FERMT2: variants seen among roughly 807,000 people sequenced by gnomAD.
FERMT2 encodes the protein fermitin family homolog 2.
In FERMT2, 15 loss-of-function variants were observed where a neutral mutation model predicts 82.7. That is an observed-to-expected ratio of 0.18 (90% CI 0.12 to 0.28). The LOEUF (loss-of-function observed/expected upper bound fraction) is 0.28, where lower values mean the gene tolerates loss of function less well. Ranked by LOEUF, FERMT2 falls within the 10% of genes least tolerant of loss-of-function variation. The pLI, the probability that FERMT2 is intolerant of heterozygous loss-of-function variation, is 1.00. For synonymous variants in FERMT2, 274 were observed against 271.5 expected (o/e 1.01, Z -0.09); for missense variants, 645 against 809.4 (o/e 0.80, Z 2.46).
At chr14:52,900,776 G>A (rs1040972615) in intron 3 of FERMT2, among the ~76,000 whole-genome samples, 2 of 151,994 alleles carry the variant, frequency 1.3e-5, no homozygotes, top group Admixed American at 1.3e-4. Flanking sequence ...TTCCATTACT[G>A]AATTAAACTC....
At chr14:52,928,901 C>T (rs551204734) in intron 2 of FERMT2, among the ~76,000 whole-genome samples, 2 of 152,292 alleles carry the variant, frequency 1.3e-5, no homozygotes, top group East Asian at 1.9e-4. Context: ...CCACCTCCTA[C>T]GCTCTGCTGC....
intron 2 of FERMT2, among the ~76,000 whole-genome samples, chr14:52,940,964 C>T (rs1481051730): frequency 6.6e-6 from 1 of 152,126 alleles, no homozygotes; most frequent in Admixed American, 6.6e-5. Context: ...TACTATACCA[C>T]CCAGCAATCC....
chr14:52,859,324 C>A, intron 14 of FERMT2: 1 of 362,258 alleles, frequency 2.8e-6, no homozygotes, highest in East Asian at 4.7e-5. Flanking sequence ...CAGAGTAGAT[C>A]GGCTTTATCC....
At chr14:52,863,014 A>G (rs1049385816) in intron 12 of FERMT2, 3 of 151,900 alleles carry the variant, frequency 2.0e-5, no homozygotes, top group Non-Finnish European at 2.9e-5. Flanking sequence ...TTGAAGGCAA[A>G]TAAGTTCACT....
chr14:52,896,864 T>C (rs1228541581), intron 3 of FERMT2, among the ~76,000 whole-genome samples: 2 of 151,826 alleles, frequency 1.3e-5, no homozygotes, highest in Non-Finnish European at 2.9e-5. Flanking sequence ...GGCATAGTGG[T>C]GCACACCTAG....
chr14:52,863,610 A>C (rs1594925591), intron 12 of FERMT2: 2 of 152,188 alleles, frequency 1.3e-5, no homozygotes, highest in East Asian at 3.8e-4. Flanking sequence ...AAGAATTCTA[A>C]ACAGAGTGAA....
At chr14:52,910,257 A>C (rs1297590993) in intron 3 of FERMT2, among the ~76,000 whole-genome samples, 1 of 152,206 alleles carries the variant, frequency 6.6e-6, no homozygotes, top group Admixed American at 6.5e-5. Context: ...CCTATCAAAT[A>C]GATTCTTCTT....
intron 9 of FERMT2, 131 bp from the exon 10 acceptor site, chr14:52,873,054 G>T: frequency 1.2e-6 from 1 of 822,952 alleles, no homozygotes; most frequent in Non-Finnish European, 1.9e-6. Flanking sequence ...ATCCCCCTTG[G>T]TCAGCGTCTT....
Position 52,857,778 on chromosome 14 carries a change from A to C in FERMT2, c.*599T>G, listed in dbSNP as rs534575886. ...TAAAAGTGTAATACAATATGGTGTA[A>C]AAATAAAAACACGAGACAATATACA... On this transcript the variant is annotated 3_prime_UTR_variant, in exon 15 of 15. Coordinates refer to ENST00000341590, the MANE Select transcript of FERMT2 (RefSeq NM_006832.3). The C allele has an allele frequency of 1.3e-5, 2 of 152,956 alleles. No homozygotes were observed. Among genetic ancestry groups the C allele is most frequent in the East Asian group, 3.9e-4 (2 of 5,192 alleles). The allele number at this position is 152,956 out of a possible 1,614,324, so 9.5% of individuals were successfully genotyped here. A position where few individuals can be genotyped will look rare whatever the true frequency, so the allele number is the denominator to read the frequency against.
chr14:52,936,624 T>C (rs1889849055), intron 2 of FERMT2, among the ~76,000 whole-genome samples: 1 of 152,184 alleles, frequency 6.6e-6, no homozygotes, highest in African/African-American at 2.4e-5. Flanking sequence ...TTGCTCCACT[T>C]CCCATGCTGG....
intron 3 of FERMT2, among the ~76,000 whole-genome samples, chr14:52,917,968 C>T (rs1888710733): frequency 6.6e-6 from 1 of 152,190 alleles, no homozygotes; most frequent in Non-Finnish European, 1.5e-5. Context: ...AGTGTGGGTG[C>T]TGACACCAGC....
At chr14:52,879,282 AAT>A (rs1394018201) in intron 6 of FERMT2, among the ~76,000 whole-genome samples, 2 of 152,246 alleles carry the variant, frequency 1.3e-5, no homozygotes, top group Non-Finnish European at 1.5e-5. Context: ...AATAAAAGTC[AAT>A]AGTAATGCCT....
At chr14:52,868,924 G>A (rs1885450272) in intron 10 of FERMT2, among the ~76,000 whole-genome samples, 1 of 152,220 alleles carries the variant, frequency 6.6e-6, no homozygotes, top group East Asian at 1.9e-4. Context: ...GCAATGATCA[G>A]TGTGATGAGT....
At chr14:52,860,135 G>C (rs547758580) in intron 13 of FERMT2, 1 of 517,636 alleles carries the variant, frequency 1.9e-6, no homozygotes, top group South Asian at 2.7e-5. Context: ...TATTCTCTTA[G>C]TAGTAAAACA....
intron 10 of FERMT2, among the ~76,000 whole-genome samples, chr14:52,866,600 AG>A (rs1321659562): frequency 4.6e-5 from 7 of 152,210 alleles, no homozygotes; most frequent in African/African-American, 1.7e-4. Flanking sequence ...CAAGAAAAAA[AG>A]GTTTCACTAC....
rs373948864 is a variant in FERMT2, at chr14:52,864,633, G to A, written c.1381-11C>T. The A allele has an allele frequency of 6.2e-7, 1 of 1,611,468 alleles. No individual in the cohort carries two copies. On this transcript the variant is annotated splice_polypyrimidine_tract_variant and intron_variant, in intron 11 of 14. Transcript: ENST00000341590. ...TGCATACTGTTTTTCCTGGAGAAAAGAAATACTGATGTGTGCAATGTATCA... is the reference window on the plus strand; with the variant it reads ...TGCATACTGTTTTTCCTGGAGAAAAAAAATACTGATGTGTGCAATGTATCA...
At chr14:52,929,149 T>C (rs1889447237) in intron 2 of FERMT2, among the ~76,000 whole-genome samples, 2 of 152,172 alleles carry the variant, frequency 1.3e-5, no homozygotes, top group South Asian at 2.1e-4. Flanking sequence ...CCTACTCTTA[T>C]TATACTAACT....
intron 2 of FERMT2, among the ~76,000 whole-genome samples, chr14:52,938,511 A>C (rs1485385439): frequency 1.3e-5 from 2 of 152,222 alleles, no homozygotes; most frequent in Non-Finnish European, 2.9e-5. Context: ...GCCCAAGGTC[A>C]TATGTAACCA....
In FERMT2 at chr14:52,872,270, A is replaced by T. The variant is rs17125836; in HGVS notation, c.1273+529T>A. ...CTTACTTGACAAGTTAGAAATGCAGAATCAGCTTGGTGTGGTGGCTCACGC... is the reference window on the plus strand; with the variant it reads ...CTTACTTGACAAGTTAGAAATGCAGTATCAGCTTGGTGTGGTGGCTCACGC... On this transcript the variant is annotated intron_variant, in intron 10 of 14. Transcript: ENST00000341590. 772 of 153,504 alleles carry T rather than the reference A, an allele frequency of 5.0e-3. 7 individuals are homozygous for T. The East Asian group carries it at 0.05, about 10-fold the overall frequency. 9.5% of individuals were successfully genotyped at this position (153,504 alleles called of 1,614,324 possible).
Sources: gnomAD v4.1 joint callset for allele counts (sites outside exome capture counted in the v4.1 genomes callset) on GRCh38, gnomAD v4.1.1 for gene constraint, MANE v1.5 for transcripts, NCBI Gene and HGNC (gene_info 2026-07-23, HGNC 2026-07-21) for gene names.